The following KIT variants were observed in gnomAD, a reference collection of about 807,000 sequenced individuals.
The protein encoded by KIT is mast/stem cell growth factor receptor Kit.
In KIT, 16 loss-of-function variants were observed where a neutral mutation model predicts 105.7. The ratio of observed to expected loss-of-function variants is 0.15; its 90% CI spans 0.10 to 0.23. The LOEUF is 0.23. Ranked by LOEUF, KIT falls within the 10% of genes least tolerant of loss-of-function variation. KIT has a pLI of 1.00. For synonymous variants in KIT, 438 were observed against 441.1 expected, an observed-to-expected ratio of 0.99 and a Z score of 0.09; for missense variants, 858 against 1,213.8, an observed-to-expected ratio of 0.71 and a Z score of 4.36.
chr4:54,685,812 T>C (rs1248892009), intron 1 of KIT, among the ~76,000 whole-genome samples: 1 of 152,228 alleles, frequency 6.6e-6, no homozygotes, highest in Non-Finnish European at 1.5e-5. Flanking sequence ...CTTTCTCCTC[T>C]TCTACCCCTC....
chr4:54,711,022 G>C (rs1721126948), intron 7 of KIT, among the ~76,000 whole-genome samples: 2 of 152,138 alleles, frequency 1.3e-5, no homozygotes, highest in South Asian at 4.1e-4. Context: ...TGGGAGTACA[G>C]GCATGCACCA....
intron 1 of KIT, among the ~76,000 whole-genome samples, chr4:54,680,786 G>T (rs1267891285): frequency 6.6e-6 from 1 of 152,114 alleles, no homozygotes; most frequent in African/African-American, 2.4e-5. Context: ...AGGAAATTTG[G>T]TGATTAGTGA....
intron 7 of KIT, among the ~76,000 whole-genome samples, chr4:54,711,741 G>A (rs1163140567): frequency 1.8e-5 from 2 of 111,164 alleles, no homozygotes; most frequent in African/African-American, 2.8e-5. Flanking sequence ...GGCCAACATG[G>A]TGAAACCCCT....
intron 1 of KIT, among the ~76,000 whole-genome samples, chr4:54,658,952 G>A (rs1717028498): frequency 6.6e-6 from 1 of 152,208 alleles, no homozygotes; most frequent in Non-Finnish European, 1.5e-5. Flanking sequence ...GAAGGCAAGG[G>A]ACAGCGTGCT....
At chr4:54,660,486 C>T (rs1717175201) in intron 1 of KIT, among the ~76,000 whole-genome samples, 2 of 152,034 alleles carry the variant, frequency 1.3e-5, no homozygotes, top group Non-Finnish European at 2.9e-5. Context: ...TGTTTTTTCC[C>T]CCACTCATTC....
chr4:54,698,349 C>G lies in KIT; in HGVS notation c.403C>G (p.Arg135Gly), dbSNP rs754738766. The G allele has an allele frequency of 6.2e-7, 1 of 1,614,100 alleles. No individual in the cohort carries two copies. Among genetic ancestry groups the G allele is most frequent in the Non-Finnish European group, 8.5e-7 (1 of 1,179,990 alleles). The change falls in exon 3 of 21, where the codon CGC (arginine) becomes GGC (glycine). Residue 135 changes from arginine to glycine, a missense_variant. Arg to Gly is a moderately radical substitution (Grantham distance 125, BLOSUM62 -2). This residue lies in a region of KIT where 401 missense variants were observed against 601.0 expected (regional missense o/e 0.67). Transcript: ENST00000288135. ...YGKEDNDTLV[R>G]CPLTDPEVTN... ...GAAAGAAGACAACGACACGCTGGTC[C>G]GCTGTCCTCTCACAGACCCAGAAGT...
At chr4:54,696,980 A>G (rs772301365) in intron 2 of KIT, among the ~76,000 whole-genome samples, 2 of 152,260 alleles carry the variant, frequency 1.3e-5, no homozygotes, top group Non-Finnish European at 2.9e-5. Context: ...AATTGGTTAA[A>G]TCACTCTAAC....
At chr4:54,717,660 G>C (rs1442415355) in intron 7 of KIT, among the ~76,000 whole-genome samples, 3 of 152,074 alleles carry the variant, frequency 2.0e-5, no homozygotes, top group African/African-American at 7.2e-5. Flanking sequence ...CATCAAATTA[G>C]CTTCCTTCAT....
intron 11 of KIT, 123 bp downstream of exon 11, chr4:54,727,665 C>A (rs1028308785): frequency 2.9e-6 from 4 of 1,398,092 alleles, no homozygotes; most frequent in Non-Finnish European, 3.0e-6. Context: ...TGTGAAATTG[C>A]GCCCCTTTTG....
intron 7 of KIT, among the ~76,000 whole-genome samples, chr4:54,716,258 A>T (rs1177545658): frequency 6.6e-6 from 1 of 152,218 alleles, no homozygotes. Context: ...TGATTTATTT[A>T]CTTGCTTTTG....
chr4:54,666,964 A>G (rs1284123107), intron 1 of KIT, among the ~76,000 whole-genome samples: 1 of 152,236 alleles, frequency 6.6e-6, no homozygotes, highest in African/African-American at 2.4e-5. Flanking sequence ...ATCTAAACAC[A>G]GAAGAAATTG....
In KIT at chr4:54,723,085, C is replaced by A. The variant is rs1246654386; in HGVS notation, c.1232-499C>A. 2.0e-5 allele frequency among the ~76,000 whole-genome samples: 3 copies of A among 151,946 alleles called. No homozygotes were observed. The East Asian group carries it at 5.8e-4, about 29-fold the overall frequency. On this transcript the variant is annotated intron_variant, in intron 7 of 20. Coordinates refer to ENST00000288135, the MANE Select transcript of KIT (RefSeq NM_000222.3). Reference sequence around the variant, plus strand: ...TTTAATCGGCACCACCCTTCCACCCCCAAAAAGGAGAAAATTCATGTAAGA... The same window carrying A: ...TTTAATCGGCACCACCCTTCCACCCACAAAAAGGAGAAAATTCATGTAAGA...
intron 4 of KIT, among the ~76,000 whole-genome samples, chr4:54,700,509 T>A (rs1476857624): frequency 6.6e-6 from 1 of 152,226 alleles, no homozygotes; most frequent in Admixed American, 6.5e-5. Flanking sequence ...TTTTACACTG[T>A]CTTAATTTCC....
intron 1 of KIT, among the ~76,000 whole-genome samples, chr4:54,694,319 T>C (rs1456685255): frequency 6.6e-6 from 1 of 152,158 alleles, no homozygotes; most frequent in African/African-American, 2.4e-5. Context: ...AGATTGACAG[T>C]AAACCTCATA....
chr4:54,696,046 C>G (rs1034360602), intron 2 of KIT: 3 of 526,380 alleles, frequency 5.7e-6, no homozygotes. Context: ...TGTGCTGGTG[C>G]TTTGAGTAAA....
At chr4:54,723,788 A>T (rs908007921) in intron 8 of KIT, 90 bp downstream of exon 8, 51 of 885,118 alleles carry the variant, frequency 5.8e-5, no homozygotes, top group East Asian at 9.9e-5. Context: ...GATTTTTTTT[A>T]AAAAAGCTTT....
At chr4:54,731,806 A>T (rs2109794229) in intron 15 of KIT, 65 bp from the exon 16 acceptor site, 2 of 1,559,184 alleles carry the variant, frequency 1.3e-6, no homozygotes, top group Non-Finnish European at 8.8e-7. Flanking sequence ...TGTCATTGCC[A>T]CTGTCTTTTC....
chr4:54,727,661 A>G, intron 11 of KIT, 119 bp downstream of exon 11: 1 of 1,421,562 alleles, frequency 7.0e-7, no homozygotes, highest in Non-Finnish European at 9.9e-7. Context: ...TTTCTGTGAA[A>G]TTGCGCCCCT....
intron 19 of KIT, 137 bp from the exon 20 acceptor site, chr4:54,737,037 GT>G: frequency 1.4e-6 from 1 of 740,094 alleles, no homozygotes; most frequent in Non-Finnish European, 2.5e-6. Flanking sequence ...TACATGCAGT[GT>G]TTTATGTTAT....
Sources: gnomAD v4.1 joint callset for allele counts (sites outside exome capture counted in the v4.1 genomes callset) on GRCh38, gnomAD v4.1.1 for gene constraint, gnomAD v4.1.1 regional missense constraint, MANE v1.5 for transcripts, NCBI Gene and HGNC (gene_info 2026-07-23, HGNC 2026-07-21) for gene names.